Variants in CAST observed in about 807,000 individuals in gnomAD.
CAST encodes the protein calpastatin, also known as MIR583 host.
In CAST, 76 loss-of-function variants were observed where a neutral mutation model predicts 119.6. That is an observed-to-expected ratio of 0.64 (90% CI 0.53 to 0.77). The LOEUF (loss-of-function observed/expected upper bound fraction) is 0.77, where lower values mean the gene tolerates loss of function less well. Among genes scored for constraint, CAST ranks in the 30% least tolerant of loss-of-function variants. CAST has a pLI of 0.00. For missense variants in CAST, 953 were observed against 946.5 expected (o/e 1.01, Z -0.09); for synonymous variants, 319 against 331.6 (o/e 0.96, Z 0.41).
the CAST span, among the ~76,000 whole-genome samples, chr5:96,081,811 T>C: frequency 6.6e-6 from 1 of 152,330 alleles, no homozygotes; most frequent in Middle Eastern, 3.4e-3. Context: ...TTCTTAAAAA[T>C]TTAAGTAAAG....
chr5:96,720,377 A>G (rs1581118050), intron 3 of CAST, among the ~76,000 whole-genome samples: 3 of 152,244 alleles, frequency 2.0e-5, no homozygotes, highest in Non-Finnish European at 1.5e-5. Flanking sequence ...ATGAAAGTGT[A>G]TTCATTCATT....
At chr5:96,121,033 C>T in the CAST span, among the ~76,000 whole-genome samples, 2 of 152,096 alleles carry the variant, frequency 1.3e-5, no homozygotes, top group Admixed American at 1.3e-4. Context: ...CCACTATAGG[C>T]ATTATCTACC....
At chr5:96,738,103 C>G (rs1291267681) in intron 11 of CAST, among the ~76,000 whole-genome samples, 156 bp downstream of exon 11, 1 of 151,960 alleles carries the variant, frequency 6.6e-6, no homozygotes, top group Non-Finnish European at 1.5e-5. Context: ...AGGCAGATTT[C>G]TTGAAGTCAG....
chr5:96,483,547 T>G, the CAST span, among the ~76,000 whole-genome samples: 5 of 152,350 alleles, frequency 3.3e-5, no homozygotes, highest in Non-Finnish European at 7.3e-5. Flanking sequence ...TAAGGATTTA[T>G]CAAAGAATTA....
chr5:96,445,005 T>C, the CAST span, among the ~76,000 whole-genome samples: 5 of 152,304 alleles, frequency 3.3e-5, no homozygotes, highest in South Asian at 1.0e-3. Context: ...CCAGAGTCTT[T>C]AAGTCTTTCC....
the CAST span, among the ~76,000 whole-genome samples, chr5:96,423,900 G>T: frequency 6.6e-6 from 1 of 152,310 alleles, no homozygotes; most frequent in African/African-American, 2.4e-5. Context: ...GAATGTTTTA[G>T]AATTTTTATT....
rs911281221 is a variant in CAST at position 96,666,686 on chromosome 5, C to T, written c.75+4189C>T. ...AGCTGACAGTCTTTGAATTAGTTCG[C>T]GCCCCATTGTGTATAAGCCTTTTAA... is the stretch of plus-strand genomic sequence containing the variant. On this transcript the variant is annotated intron_variant, in intron 1 of 31. Transcript: ENST00000675179. Among the ~76,000 whole-genome samples, 90 of 152,176 alleles carry T rather than the reference C, an allele frequency of 5.9e-4. 1 individual carries two copies. Among genetic ancestry groups the T allele is most frequent in the Non-Finnish European group, 7.4e-5 (5 of 68,016 alleles).
chr5:96,730,496 A>G (rs1422892695), intron 8 of CAST, among the ~76,000 whole-genome samples: 2 of 152,204 alleles, frequency 1.3e-5, no homozygotes, highest in Non-Finnish European at 2.9e-5. Context: ...CGTGGCAACA[A>G]TTGACTAGAG....
intron 21 of CAST, among the ~76,000 whole-genome samples, chr5:96,754,433 A>C (rs1765841087): frequency 6.6e-6 from 1 of 152,170 alleles, no homozygotes; most frequent in Non-Finnish European, 1.5e-5. Flanking sequence ...TTGGGAAGGA[A>C]GGGGCAGCTG....
At chr5:96,138,938 A>G in the CAST span, among the ~76,000 whole-genome samples, 1 of 152,088 alleles carries the variant, frequency 6.6e-6, no homozygotes, top group South Asian at 2.1e-4. Flanking sequence ...CTTATTGCAC[A>G]AACTAGGACT....
the CAST span, among the ~76,000 whole-genome samples, chr5:96,495,455 T>C: frequency 6.6e-6 from 1 of 152,120 alleles, no homozygotes; most frequent in East Asian, 1.9e-4. Context: ...TGTGTGATGT[T>C]CCCCTCCCTG....
intron 1 of CAST, among the ~76,000 whole-genome samples, chr5:96,616,744 C>CTCTA (rs796241546): frequency 9.5e-4 from 117 of 123,074 alleles, no homozygotes; most frequent in African/African-American, 3.4e-3. Context: ...CTCTCTCTCT[C>CTCTA]TATATATATA....
chr5:96,008,505 A>G, the CAST span, among the ~76,000 whole-genome samples: 1 of 152,100 alleles, frequency 6.6e-6, no homozygotes, highest in Non-Finnish European at 1.5e-5. Context: ...CCTGGTTACA[A>G]TGCTCTGTTT....
the CAST span, among the ~76,000 whole-genome samples, chr5:96,475,177 C>G: frequency 6.6e-6 from 1 of 152,100 alleles, no homozygotes; most frequent in Non-Finnish European, 1.5e-5. Context: ...GAGGTTCTGT[C>G]GGAGAGGCCC....
At chr5:96,286,301 G>A in the CAST span, among the ~76,000 whole-genome samples, 1 of 152,144 alleles carries the variant, frequency 6.6e-6, no homozygotes, top group African/African-American at 2.4e-5. Flanking sequence ...AAAGGTAGCT[G>A]ACCTATAGAA....
chr5:96,202,841 T>A, the CAST span, among the ~76,000 whole-genome samples: 1 of 152,126 alleles, frequency 6.6e-6, no homozygotes, highest in East Asian at 1.9e-4. Context: ...TGAGATGTAT[T>A]TGTTGAATGA....
the CAST span, among the ~76,000 whole-genome samples, chr5:96,086,259 C>A: frequency 6.6e-6 from 1 of 152,050 alleles, no homozygotes; most frequent in Admixed American, 6.6e-5. Context: ...TCAGAACCTG[C>A]AAATGGAGGG....
the CAST span, chr5:96,079,096 A>C: frequency 2.1e-6 from 1 of 468,662 alleles, no homozygotes; most frequent in Non-Finnish European, 4.4e-6. Flanking sequence ...AGTTAAAAAA[A>C]AACCTATTTA....
At chr5:96,425,689 A>C in the CAST span, 1 of 678,460 alleles carries the variant, frequency 1.5e-6, no homozygotes, top group South Asian at 1.6e-5. Flanking sequence ...ATCAGCCCTA[A>C]TCTCCAGACA....
Sources: gnomAD v4.1 joint callset for allele counts (sites outside exome capture counted in the v4.1 genomes callset) on GRCh38, gnomAD v4.1.1 for gene constraint, MANE v1.5 for transcripts, NCBI Gene and HGNC (gene_info 2026-07-23, HGNC 2026-07-21) for gene names.